Variants in SLX4IP observed in about 807,000 individuals in gnomAD.
SLX4IP encodes the protein SLX4 interacting protein.
A neutral mutation model predicts 32.9 loss-of-function variants in SLX4IP; 34 were observed. The ratio of observed to expected loss-of-function variants is 1.03; its 90% CI spans 0.79 to 1.38. The LOEUF (loss-of-function observed/expected upper bound fraction) is 1.38, where lower values mean the gene tolerates loss of function less well. Among genes scored for constraint, SLX4IP ranks in the 40% most tolerant of loss-of-function variants. The pLI is 0.00. For missense variants in SLX4IP, 444 were observed against 479.0 expected, an observed-to-expected ratio of 0.93 and a Z score of 0.68; for synonymous variants, 172 against 171.7, an observed-to-expected ratio of 1.00 and a Z score of -0.01.
At chr20:10,553,826 A>C (rs1183192220) in intron 2 of SLX4IP, among the ~76,000 whole-genome samples, 1 of 152,222 alleles carries the variant, frequency 6.6e-6, no homozygotes, top group South Asian at 2.1e-4. Flanking sequence ...ACTGTAACAC[A>C]CTAAAGTGCA....
At chr20:10,474,695 CT>C (rs1432544511) in intron 2 of SLX4IP, among the ~76,000 whole-genome samples, 2 of 152,230 alleles carry the variant, frequency 1.3e-5, no homozygotes, top group African/African-American at 2.4e-5. Flanking sequence ...TGTTCACTTC[CT>C]TTTTTTCCCT....
chr20:10,523,879 A>G (rs1296136097), intron 2 of SLX4IP, among the ~76,000 whole-genome samples: 2 of 152,264 alleles, frequency 1.3e-5, no homozygotes, highest in African/African-American at 2.4e-5. Context: ...AGTCTATTAA[A>G]TTCATTTTTT....
At chr20:10,491,323 A>G (rs904111551) in intron 2 of SLX4IP, among the ~76,000 whole-genome samples, 4 of 151,962 alleles carry the variant, frequency 2.6e-5, no homozygotes, top group African/African-American at 7.3e-5. Context: ...TTCTCCCTCA[A>G]CTCCCCTGTT....
intron 2 of SLX4IP, among the ~76,000 whole-genome samples, chr20:10,524,324 T>C (rs977391996): frequency 1.3e-5 from 2 of 152,198 alleles, no homozygotes; most frequent in Admixed American, 1.3e-4. Flanking sequence ...TCAGGCTCTG[T>C]TTTTGTTCCA....
At chr20:10,495,664 T>G (rs1465300392) in intron 2 of SLX4IP, among the ~76,000 whole-genome samples, 2 of 152,190 alleles carry the variant, frequency 1.3e-5, no homozygotes, top group Non-Finnish European at 2.9e-5. Context: ...ATAAACAAGT[T>G]CATGATTATT....
rs567226556 is a variant in SLX4IP at position 10,561,375 on chromosome 20, C to T, written c.238+555C>T. On this transcript the variant is annotated intron_variant, in intron 4 of 7. Coordinates refer to ENST00000334534, the MANE Select transcript of SLX4IP (RefSeq NM_001009608.3). ...CATTAGCTAACCTCTTCCTATCCTT[C>T]CCTTCCCCATCCTTCCTAGTCTTCT... 2.6e-5 allele frequency among the ~76,000 whole-genome samples: 4 copies of T among 152,086 alleles called. No individual in the cohort carries two copies. The South Asian group carries it at 8.3e-4, about 32-fold the overall frequency.
intron 2 of SLX4IP, among the ~76,000 whole-genome samples, chr20:10,507,963 T>A (rs2065773564): frequency 6.6e-6 from 1 of 151,628 alleles, no homozygotes; most frequent in South Asian, 2.1e-4. Flanking sequence ...ATGTGTATAT[T>A]TGATATATAT....
intron 2 of SLX4IP, among the ~76,000 whole-genome samples, chr20:10,521,407 C>A (rs146375155): frequency 1.4e-4 from 22 of 152,290 alleles, no homozygotes; most frequent in African/African-American, 4.8e-4. Flanking sequence ...CTCCCATCAC[C>A]TCTCTTCTCT....
chr20:10,555,151 T>G (rs1238236156), intron 2 of SLX4IP, among the ~76,000 whole-genome samples: 1 of 151,966 alleles, frequency 6.6e-6, no homozygotes, highest in African/African-American at 2.4e-5. Flanking sequence ...TCTAACCATT[T>G]GTTGAAACTA....
At chr20:10,533,484 A>T (rs1247959178) in intron 2 of SLX4IP, among the ~76,000 whole-genome samples, 1 of 151,966 alleles carries the variant, frequency 6.6e-6, no homozygotes, top group Non-Finnish European at 1.5e-5. Context: ...AAAATACATA[A>T]TTTTTGAATT....
At chr20:10,461,651 C>T (rs963493485) in intron 2 of SLX4IP, among the ~76,000 whole-genome samples, 15 of 152,362 alleles carry the variant, frequency 9.8e-5, no homozygotes, top group Admixed American at 8.5e-4. Context: ...GAGACCTGCA[C>T]ACCTGCTACT....
intron 1 of SLX4IP, among the ~76,000 whole-genome samples, chr20:10,440,885 G>A (rs112445436): frequency 1.2e-4 from 18 of 152,292 alleles, no homozygotes; most frequent in African/African-American, 4.1e-4. Flanking sequence ...TTAAGACACT[G>A]AGCATCCACT....
intron 5 of SLX4IP, among the ~76,000 whole-genome samples, chr20:10,599,148 C>T (rs759550142): frequency 3.3e-5 from 5 of 152,162 alleles, no homozygotes; most frequent in Admixed American, 6.5e-5. Flanking sequence ...GATGAGGCCA[C>T]TTTCCCCCAT....
chr20:10,563,868 C>T (rs76415963), intron 4 of SLX4IP, among the ~76,000 whole-genome samples: 2,377 of 152,272 alleles, frequency 0.016, 52 homozygotes, highest in Admixed American at 0.069. Context: ...CTTTTGCTCA[C>T]AGTTGCTTTG....
At chr20:10,610,413 C>G (rs1216502640) in intron 6 of SLX4IP, among the ~76,000 whole-genome samples, 2 of 152,220 alleles carry the variant, frequency 1.3e-5, no homozygotes, top group African/African-American at 2.4e-5. Flanking sequence ...CCCTTAGAGA[C>G]CCGCCCTTTT....
At chr20:10,503,765 G>C (rs534529658) in intron 2 of SLX4IP, among the ~76,000 whole-genome samples, 110 of 152,174 alleles carry the variant, frequency 7.2e-4, no homozygotes, top group African/African-American at 2.5e-3. Context: ...ATCCTTCCTT[G>C]CCTCTTCTAG....
chr20:10,443,849 C>G (rs926384300), intron 1 of SLX4IP, among the ~76,000 whole-genome samples: 2 of 152,052 alleles, frequency 1.3e-5, no homozygotes, highest in African/African-American at 4.8e-5. Context: ...GTGTATAGTA[C>G]CTCTCTCTTC....
chr20:10,523,057 C>T (rs1344755120), intron 2 of SLX4IP, among the ~76,000 whole-genome samples: 1 of 152,112 alleles, frequency 6.6e-6, no homozygotes, highest in Non-Finnish European at 1.5e-5. Flanking sequence ...GCTTGACCTG[C>T]CTGCATGCAT....
chr20:10,480,580 C>T (rs549933286), intron 2 of SLX4IP, among the ~76,000 whole-genome samples: 4 of 152,042 alleles, frequency 2.6e-5, no homozygotes, highest in Non-Finnish European at 4.4e-5. Context: ...AAATATAAAA[C>T]GTGATTTTAC....
Sources: allele counts gnomAD v4.1 joint callset (sites outside exome capture counted in the v4.1 genomes callset), GRCh38; gene constraint gnomAD v4.1.1; transcripts MANE v1.5; gene names NCBI Gene and HGNC (gene_info 2026-07-23, HGNC 2026-07-21).